Variants in MTHFD1L observed in about 807,000 individuals in gnomAD.
MTHFD1L encodes the protein monofunctional C1-tetrahydrofolate synthase, mitochondrial.
In MTHFD1L, 81 loss-of-function variants were observed where a neutral mutation model predicts 119.5. The ratio of observed to expected loss-of-function variants is 0.68; its 90% CI spans 0.57 to 0.82. MTHFD1L has a LOEUF of 0.82. MTHFD1L is among the 40% of genes least tolerant of loss of function. The pLI, the probability that MTHFD1L is intolerant of heterozygous loss-of-function variation, is 0.00. For synonymous variants in MTHFD1L, 430 were observed against 475.2 expected (o/e 0.90, Z 1.24); for missense variants, 1,125 against 1,253.4 (o/e 0.90, Z 1.55).
At chr6:150,982,093 TGAAA>T (rs1365591954) in intron 20 of MTHFD1L, among the ~76,000 whole-genome samples, 4 of 150,946 alleles carry the variant, frequency 2.6e-5, no homozygotes, top group East Asian at 3.9e-4. Context: ...AACCCTGTCT[TGAAA>T]GAAAGAGAGA....
chr6:150,881,522 C>G (rs961385036), intron 4 of MTHFD1L, among the ~76,000 whole-genome samples: 1 of 152,142 alleles, frequency 6.6e-6, no homozygotes, highest in Non-Finnish European at 1.5e-5. Context: ...TTTGTTGCTT[C>G]TACCAAATGC....
intron 26 of MTHFD1L, among the ~76,000 whole-genome samples, chr6:151,083,511 C>T (rs1401996526): frequency 1.3e-5 from 2 of 152,070 alleles, no homozygotes; most frequent in African/African-American, 4.8e-5. Flanking sequence ...TAAGTTTATA[C>T]CCTTGTAGTC....
At chr6:151,026,819 C>CAT (rs1784658926) in intron 24 of MTHFD1L, among the ~76,000 whole-genome samples, 11 of 53,914 alleles carry the variant, frequency 2.0e-4, no homozygotes, top group African/African-American at 6.6e-4. Context: ...TCCTTTCTAT[C>CAT]CTTTTTTTTT....
At chr6:150,920,098 A>G (rs1047953217) in intron 9 of MTHFD1L, among the ~76,000 whole-genome samples, 2 of 152,266 alleles carry the variant, frequency 1.3e-5, no homozygotes, top group Admixed American at 1.3e-4. Context: ...AACTTCCCCC[A>G]GTGTGAGCAA....
In MTHFD1L at chr6:151,040,432, C is replaced by A. The variant is rs148257645; in HGVS notation, c.2847+3315C>A. On this transcript the variant is annotated intron_variant, in intron 26 of 27. Coordinates refer to ENST00000367321, the MANE Select transcript of MTHFD1L (RefSeq NM_015440.5). The stretch of plus-strand genomic sequence containing the variant: ...AATAGCCATTAAATAAAAACCAGGG[C>A]CCGCACAGTGGCTCACACTTACAAT... 6.6e-3 allele frequency among the ~76,000 whole-genome samples: 998 copies of A among 152,306 alleles called. 6 individuals carry two copies. The highest frequency in any genetic ancestry group is 0.023 in the African/African-American group (953 of 41,564).
chr6:150,901,286 T>A (rs757525861), intron 7 of MTHFD1L, among the ~76,000 whole-genome samples: 1 of 152,154 alleles, frequency 6.6e-6, no homozygotes, highest in Non-Finnish European at 1.5e-5. Context: ...CTGGGCAACA[T>A]GGTGAAACCC....
intron 27 of MTHFD1L, chr6:151,100,029 CTTTTCTTTTT>C: frequency 1.6e-6 from 1 of 610,384 alleles, no homozygotes; most frequent in Non-Finnish European, 2.8e-6. Flanking sequence ...TATTTTCTTT[CTTTTCTTTTT>C]TTTTTTTTTT....
intron 20 of MTHFD1L, among the ~76,000 whole-genome samples, chr6:150,999,825 C>G (rs1352268262): frequency 1.3e-5 from 2 of 152,176 alleles, no homozygotes; most frequent in Non-Finnish European, 2.9e-5. Context: ...AAAAGCACGT[C>G]TAAGTGGTAT....
chr6:151,049,671 A>G (rs1788708198), intron 26 of MTHFD1L, among the ~76,000 whole-genome samples: 2 of 151,868 alleles, frequency 1.3e-5, no homozygotes, highest in East Asian at 3.9e-4. Context: ...CAAAAAAAAA[A>G]AAAAAAAATG....
intron 26 of MTHFD1L, among the ~76,000 whole-genome samples, chr6:151,082,478 T>A (rs1416492943): frequency 1.3e-5 from 2 of 152,232 alleles, no homozygotes; most frequent in Admixed American, 6.5e-5. Context: ...ACAGAAAGCG[T>A]GACTTGTAAA....
Position 150,866,037 on chromosome 6 carries a change from A to C in MTHFD1L, c.215A>C (p.Asp72Ala), listed in dbSNP as rs1258131764. The change falls in exon 1 of 28, where the codon GAC (aspartate) becomes GCC (alanine). Residue 72 changes from aspartate to alanine, a missense_variant. Transcript: ENST00000367321. The stretch of plus-strand genomic sequence containing the variant: ...GGCGGCCGAACGCCCGCGGCGCGGG[A>C]CTCCATCGTCAGGTGAGTGTCGGGT... ...SPGGRTPAAR[D>A]SIVREVIQNS... 3.4e-6 allele frequency: 5 copies of C among 1,452,444 alleles called. No homozygotes were observed. The highest frequency in any genetic ancestry group is 4.5e-6 in the Non-Finnish European group (5 of 1,109,612). 90.0% of individuals were successfully genotyped at this position (1,452,444 alleles called of 1,614,324 possible).
intron 20 of MTHFD1L, among the ~76,000 whole-genome samples, chr6:150,992,059 T>C (rs770114732): frequency 1.3e-5 from 2 of 152,196 alleles, no homozygotes; most frequent in African/African-American, 2.4e-5. Flanking sequence ...GCCAGGACTG[T>C]ACTTTAAGAT....
chr6:150,956,504 TAATGGCTTATTAATACAAA>T (rs1795666670), intron 17 of MTHFD1L, among the ~76,000 whole-genome samples: 1 of 152,204 alleles, frequency 6.6e-6, no homozygotes. Context: ...TTTTAAAGGA[TAATGGCTTATTAATACAAA>T]AATGGCTTAT....
At chr6:151,021,884 ATTGT>A in intron 24 of MTHFD1L, 2 of 378,402 alleles carry the variant, frequency 5.3e-6, no homozygotes, top group East Asian at 1.6e-4. Flanking sequence ...CAGTCGGAAT[ATTGT>A]TTGTTAAATG....
chr6:151,035,435 TG>T (rs1287601595), intron 25 of MTHFD1L, among the ~76,000 whole-genome samples: 1 of 152,232 alleles, frequency 6.6e-6, no homozygotes, highest in East Asian at 1.9e-4. Context: ...TAAACCCATT[TG>T]AAATTTTGTT....
At chr6:151,100,096 C>A (rs183549639) in intron 27 of MTHFD1L, among the ~76,000 whole-genome samples, 1 of 149,500 alleles carries the variant, frequency 6.7e-6, no homozygotes, top group African/African-American at 2.5e-5. Context: ...TGCAGTGGCA[C>A]GATCTCGGCT....
chr6:151,056,675 G>C (rs1451683657), intron 26 of MTHFD1L, among the ~76,000 whole-genome samples: 2 of 152,158 alleles, frequency 1.3e-5, no homozygotes, highest in Non-Finnish European at 2.9e-5. Flanking sequence ...CGCAACAGCA[G>C]GGCCCTGTTC....
chr6:150,911,682 T>TA (rs909327089), intron 8 of MTHFD1L, among the ~76,000 whole-genome samples: 1 of 152,052 alleles, frequency 6.6e-6, no homozygotes, highest in African/African-American at 2.4e-5. Context: ...GCACTGCTGA[T>TA]AAAGACATAC....
chr6:150,897,061 G>C (rs1784354408), intron 7 of MTHFD1L, among the ~76,000 whole-genome samples: 1 of 152,120 alleles, frequency 6.6e-6, no homozygotes, highest in Non-Finnish European at 1.5e-5. Context: ...AGCTTGCAGT[G>C]AGCCGAGATC....
Sources: allele counts gnomAD v4.1 joint callset (sites outside exome capture counted in the v4.1 genomes callset), GRCh38; gene constraint gnomAD v4.1.1; transcripts MANE v1.5; gene names NCBI Gene and HGNC (gene_info 2026-07-23, HGNC 2026-07-21).